NDST4: variants seen among roughly 807,000 people sequenced by gnomAD.
The protein encoded by NDST4 is N-heparan sulfate sulfotransferase 4.
A neutral mutation model predicts 100.8 loss-of-function variants in NDST4; 63 were observed. The ratio of observed to expected loss-of-function variants is 0.62; its 90% confidence interval spans 0.51 to 0.77. The LOEUF (loss-of-function observed/expected upper bound fraction) is 0.77. Ranked by LOEUF, NDST4 falls within the 30% of genes least tolerant of loss-of-function variation. The pLI is 0.00. For missense variants in NDST4, 943 were observed against 1,018.4 expected, an observed-to-expected ratio of 0.93 and a Z score of 1.01; for synonymous variants, 377 against 361.8, an observed-to-expected ratio of 1.04 and a Z score of -0.48.
intron 1 of NDST4, among the ~76,000 whole-genome samples, chr4:115,090,977 A>C (rs1326235677): frequency 3.3e-5 from 5 of 152,064 alleles, no homozygotes; most frequent in African/African-American, 1.2e-4. Flanking sequence ...CTGAAGTTTT[A>C]TTTCTGTTTT....
chr4:115,064,030 G>C (rs895327590), intron 2 of NDST4, among the ~76,000 whole-genome samples: 1 of 151,916 alleles, frequency 6.6e-6, no homozygotes, highest in Non-Finnish European at 1.5e-5. Flanking sequence ...GTTAGTATTA[G>C]ATCCATTACT....
In NDST4 at chr4:114,912,282, G is replaced by A. The variant is rs952333140; in HGVS notation, c.1536+22924C>T. On this transcript the variant is annotated intron_variant, in intron 6 of 13. Transcript: ENST00000264363. ...AATTAAGTTTAAAAGCATCTACTAT[G>A]GGCATGGTGGCTGTGAAGGGAAGCA... Among the ~76,000 whole-genome samples, 8 of 152,122 alleles carry A rather than the reference G, an allele frequency of 5.3e-5. No homozygotes were observed. In the East Asian group the frequency reaches 1.3e-3, roughly 26 times the overall value.
chr4:114,916,242 T>C (rs988595947), intron 6 of NDST4, among the ~76,000 whole-genome samples: 4 of 152,132 alleles, frequency 2.6e-5, no homozygotes, highest in African/African-American at 9.7e-5. Context: ...AATATGAACA[T>C]TAACTTTTGT....
intron 2 of NDST4, among the ~76,000 whole-genome samples, chr4:115,034,593 T>C (rs1318531163): frequency 6.6e-6 from 1 of 152,158 alleles, no homozygotes; most frequent in African/African-American, 2.4e-5. Context: ...TAAAGATATA[T>C]GTTTACCTTA....
intron 4 of NDST4, among the ~76,000 whole-genome samples, chr4:114,958,524 T>C (rs1178444035): frequency 1.3e-5 from 2 of 152,176 alleles, no homozygotes. Flanking sequence ...GCTTCGGGCT[T>C]TCGTCCTCTG....
rs930273906 is a variant in NDST4, at chr4:115,054,369, T to G, written c.978+21690A>C. Among the ~76,000 whole-genome samples the G allele has an allele frequency of 3.3e-5, 5 of 152,206 alleles. No individual in the cohort carries two copies. In the East Asian group the frequency reaches 7.7e-4, roughly 24 times the overall value. On this transcript the variant is annotated intron_variant, in intron 2 of 13. Coordinates refer to ENST00000264363, the MANE Select transcript of NDST4 (RefSeq NM_022569.3). ...ATTATTTTCTTTATGACTTGGTGTA[T>G]TTACTTAGAGCAGTATTTTTCAAAC...
chr4:114,970,416 T>A lies in NDST4; in HGVS notation c.1221+14A>T. 6.2e-7 allele frequency: 1 copy of A among 1,605,052 alleles called. No individual in the cohort carries two copies. The highest frequency in any genetic ancestry group is 8.5e-7 in the Non-Finnish European group (1 of 1,174,290). ...ACTTATAGTTCAAAAGATACCACAA[T>A]AAAATGTGCTCACCAGTGCAAATTC... On this transcript the variant is annotated intron_variant, in intron 4 of 13. Coordinates refer to ENST00000264363, the MANE Select transcript of NDST4 (RefSeq NM_022569.3).
intron 4 of NDST4, among the ~76,000 whole-genome samples, chr4:114,952,393 G>T (rs1726036234): frequency 6.6e-6 from 1 of 151,948 alleles, no homozygotes; most frequent in South Asian, 2.1e-4. Context: ...TGGGTGGGAG[G>T]GTCTGCTATT....
In NDST4 at chr4:115,096,561, T is replaced by C. The variant is rs527367132; in HGVS notation, c.-247+16883A>G. Among the ~76,000 whole-genome samples the C allele has an allele frequency of 4.6e-5, 7 of 152,182 alleles. No individual in the cohort carries two copies. The South Asian group carries it at 1.5e-3, about 32-fold the overall frequency. On this transcript the variant is annotated intron_variant, in intron 1 of 13. Transcript: ENST00000264363. ...ATGTGAGTGTATGTTCTCTTTAGGA[T>C]GAGTTATCCATTCTAGCTAAGGACA...
intron 7 of NDST4, among the ~76,000 whole-genome samples, chr4:114,867,283 C>T (rs1296378599): frequency 6.6e-6 from 1 of 152,098 alleles, no homozygotes; most frequent in East Asian, 1.9e-4. Flanking sequence ...TATGTCACAG[C>T]TATTCAAATT....
At chr4:114,862,741 C>A (rs2126193478) in intron 7 of NDST4, among the ~76,000 whole-genome samples, 1 of 152,150 alleles carries the variant, frequency 6.6e-6, no homozygotes, top group East Asian at 1.9e-4. Flanking sequence ...GTCTCCAACA[C>A]AGAGAGAATA....
chr4:115,037,687 T>G (rs529264431), intron 2 of NDST4, among the ~76,000 whole-genome samples: 168 of 152,242 alleles, frequency 1.1e-3, no homozygotes, highest in Non-Finnish European at 1.8e-3. Flanking sequence ...AATGACTAAA[T>G]AGTTGGTTTG....
chr4:114,838,684 C>T (rs1023904232), intron 11 of NDST4, among the ~76,000 whole-genome samples: 11 of 151,766 alleles, frequency 7.2e-5, no homozygotes, highest in African/African-American at 2.2e-4. Context: ...TGGGGCAAGG[C>T]GAGGGATAGC....
intron 1 of NDST4, among the ~76,000 whole-genome samples, chr4:115,092,849 T>C (rs539121466): frequency 2.2e-4 from 33 of 152,300 alleles, no homozygotes; most frequent in African/African-American, 7.5e-4. Context: ...TAAATAGGTC[T>C]GTTTAGGTTA....
At chr4:114,925,554 C>T (rs1308908169) in intron 6 of NDST4, among the ~76,000 whole-genome samples, 2 of 152,088 alleles carry the variant, frequency 1.3e-5, no homozygotes, top group African/African-American at 2.4e-5. Flanking sequence ...AGCTCATTAA[C>T]CAGACTAGGT....
intron 6 of NDST4, among the ~76,000 whole-genome samples, chr4:114,915,173 G>A (rs950099826): frequency 5.3e-5 from 8 of 152,064 alleles, no homozygotes; most frequent in Admixed American, 1.3e-4. Flanking sequence ...TGTTCTCAGG[G>A]ATTCTCCAGC....
intron 9 of NDST4, among the ~76,000 whole-genome samples, chr4:114,846,355 A>T (rs1723549896): frequency 6.6e-6 from 1 of 152,244 alleles, no homozygotes. Flanking sequence ...AGTTGATATT[A>T]AAAAATAGTA....
At chr4:114,878,661 T>G (rs1036446868) in intron 6 of NDST4, among the ~76,000 whole-genome samples, 3 of 152,136 alleles carry the variant, frequency 2.0e-5, no homozygotes, top group African/African-American at 7.2e-5. Flanking sequence ...TCTCTAAGGC[T>G]AAATGAAAAC....
At chr4:115,027,810 T>G (rs1451754048) in intron 2 of NDST4, among the ~76,000 whole-genome samples, 1 of 152,106 alleles carries the variant, frequency 6.6e-6, no homozygotes, top group Non-Finnish European at 1.5e-5. Context: ...TCCCTGCACT[T>G]TGGGAGGCCA....
Sources: allele counts gnomAD v4.1 joint callset (sites outside exome capture counted in the v4.1 genomes callset), GRCh38; gene constraint gnomAD v4.1.1; transcripts MANE v1.5; gene names NCBI Gene and HGNC (gene_info 2026-07-23, HGNC 2026-07-21).